Variants in MAP2K5 observed in about 807,000 individuals in gnomAD.
MAP2K5 encodes mitogen-activated protein kinase kinase 5, also known as dual specificity mitogen-activated protein kinase kinase 5.
MAP2K5 carries 49 observed loss-of-function variants against 83.1 expected under a neutral mutation model. The ratio of observed to expected loss-of-function variants is 0.59; its 90% CI spans 0.47 to 0.75. The LOEUF is 0.75. MAP2K5 is among the 30% of genes least tolerant of loss of function. MAP2K5 has a pLI of 0.00. For missense variants in MAP2K5, 457 were observed against 557.5 expected (o/e 0.82, Z 1.82); for synonymous variants, 202 against 191.8 (o/e 1.05, Z -0.44).
Position 67,580,840 on chromosome 15 carries a change from T to TTG in MAP2K5, c.322+17_322+18insTG. The stretch of plus-strand genomic sequence containing the variant: ...TTCCAAGAGGTAATGTTGAGCAAAT[T>TTG]CTAATCAACAATGATTATTTCAGTA... On this transcript the variant is annotated intron_variant, in intron 4 of 21. Coordinates refer to ENST00000178640, the MANE Select transcript of MAP2K5 (RefSeq NM_145160.3). The TTG allele has an allele frequency of 6.6e-7, 1 of 1,525,008 alleles. No individual in the cohort carries two copies. The allele number at this position is 1,525,008 out of a possible 1,614,324, so 94.5% of individuals were successfully genotyped here.
At chr15:67,753,971 T>G (rs914341948) in intron 19 of MAP2K5, among the ~76,000 whole-genome samples, 19 of 152,256 alleles carry the variant, frequency 1.2e-4, no homozygotes, top group Non-Finnish European at 2.5e-4. Context: ...CACATTGGAC[T>G]ATAAATAGGA....
intron 19 of MAP2K5, among the ~76,000 whole-genome samples, chr15:67,763,120 A>G (rs985238427): frequency 1.3e-5 from 2 of 152,186 alleles, no homozygotes; most frequent in African/African-American, 4.8e-5. Context: ...GAGCGGAGTT[A>G]GAGGCTTTCT....
intron 16 of MAP2K5, among the ~76,000 whole-genome samples, chr15:67,727,198 T>C (rs902294729): frequency 1.3e-5 from 2 of 152,148 alleles, no homozygotes; most frequent in African/African-American, 2.4e-5. Context: ...AGACTCTGGC[T>C]CAAAAAACAG....
At chr15:67,795,830 A>G (rs1052823933) in intron 21 of MAP2K5, among the ~76,000 whole-genome samples, 8 of 151,990 alleles carry the variant, frequency 5.3e-5, no homozygotes, top group African/African-American at 1.9e-4. Flanking sequence ...TCCCACTACT[A>G]TTGTGTCTGT....
intron 17 of MAP2K5, among the ~76,000 whole-genome samples, chr15:67,732,488 T>C (rs2089242950): frequency 6.6e-6 from 1 of 152,146 alleles, no homozygotes; most frequent in Non-Finnish European, 1.5e-5. Flanking sequence ...TGTATAAAAA[T>C]ACTGTTCTTC....
In MAP2K5 at chr15:67,610,700, G is replaced by T. The variant is rs560566941; in HGVS notation, c.545+9951G>T. On this transcript the variant is annotated intron_variant, in intron 8 of 21. Coordinates refer to ENST00000178640, the MANE Select transcript of MAP2K5 (RefSeq NM_145160.3). The stretch of plus-strand genomic sequence containing the variant: ...TCTTACTAGAGTGAAATATGTTTAG[G>T]TTCTGATTTGTACACTAACGTTGAA... 4.8e-3 allele frequency among the ~76,000 whole-genome samples: 731 copies of T among 152,192 alleles called. 13 individuals are homozygous for T. Among genetic ancestry groups the T allele is most frequent in the South Asian group, 0.033 (157 of 4,826 alleles).
chr15:67,655,960 CCTCCCTTGATTCTTTCTTCTGCTGT>C (rs2087064020), intron 11 of MAP2K5, among the ~76,000 whole-genome samples: 1 of 152,096 alleles, frequency 6.6e-6, no homozygotes, highest in African/African-American at 2.4e-5. Flanking sequence ...CCTATCTTTA[CCTCCCTTGATTCTTTCTTCTGCTGT>C]CTCAAATATG....
At chr15:67,743,209 G>T (rs918680076) in intron 17 of MAP2K5, among the ~76,000 whole-genome samples, 2 of 152,166 alleles carry the variant, frequency 1.3e-5, no homozygotes, top group East Asian at 1.9e-4. Flanking sequence ...TGAGATTTGC[G>T]CCAGAGAGAA....
chr15:67,614,072 G>A (rs2085999558), intron 8 of MAP2K5, among the ~76,000 whole-genome samples: 1 of 152,122 alleles, frequency 6.6e-6, no homozygotes, highest in Admixed American at 6.6e-5. Context: ...GGATCTAGAA[G>A]CAACCAGTTT....
In MAP2K5 at chr15:67,734,683, T is replaced by A. The variant is rs11633948; in HGVS notation, c.1074+6738T>A. On this transcript the variant is annotated intron_variant, in intron 17 of 21. Transcript: ENST00000178640. ...TATCTTATTTATGTTTACTGATCAC[T>A]CCTGGAATTGCAAAATACCTAAAAA... Among the ~76,000 whole-genome samples the A allele has an allele frequency of 3.2e-4, 49 of 152,142 alleles. No homozygotes were observed. The East Asian group carries it at 6.0e-3, about 19-fold the overall frequency.
chr15:67,622,617 C>T (rs993035168), intron 8 of MAP2K5, among the ~76,000 whole-genome samples: 2 of 151,564 alleles, frequency 1.3e-5, no homozygotes, highest in African/African-American at 4.9e-5. Flanking sequence ...GTGAGGAGCA[C>T]CTACCATGGG....
chr15:67,585,682 G>A (rs1356886722), intron 4 of MAP2K5: 1 of 527,162 alleles, frequency 1.9e-6, no homozygotes, highest in Non-Finnish European at 3.4e-6. Context: ...ATGAGGTGGT[G>A]TCAGAAAGCT....
chr15:67,660,120 T>C (rs7172511), intron 12 of MAP2K5, among the ~76,000 whole-genome samples: 150,866 of 152,042 alleles, frequency 0.99, 74,867 homozygotes, highest in Middle Eastern at 1. Flanking sequence ...TGTCCAATTT[T>C]TCCAGCTTTT....
intron 13 of MAP2K5, among the ~76,000 whole-genome samples, chr15:67,667,427 A>G (rs1004121382): frequency 1.3e-5 from 2 of 152,148 alleles, no homozygotes; most frequent in African/African-American, 4.8e-5. Context: ...ATGAATGATG[A>G]TGGGAATTCT....
chr15:67,774,307 T>C lies in MAP2K5; in HGVS notation c.1242+1555T>C, dbSNP rs1395118086. Among the ~76,000 whole-genome samples, 1 of 152,092 alleles carries C rather than the reference T, an allele frequency of 6.6e-6. No individual in the cohort carries two copies. Among genetic ancestry groups the C allele is most frequent in the African/African-American group, 2.4e-5 (1 of 41,410 alleles). The stretch of plus-strand genomic sequence containing the variant: ...ATATCAATAAATCAATAAAATACAA[T>C]GAAAAATGTTGTCACAGGAAGCACC... On this transcript the variant is annotated intron_variant, in intron 21 of 21. Transcript: ENST00000178640. The surrounding 1 kb of genome is among the most constrained non-coding windows in gnomAD (Gnocchi z 4.9).
chr15:67,787,130 AG>A (rs1454661960), intron 21 of MAP2K5, among the ~76,000 whole-genome samples: 3 of 152,262 alleles, frequency 2.0e-5, no homozygotes, highest in Non-Finnish European at 2.9e-5. Flanking sequence ...AATGATAGAT[AG>A]GCAGGCAGGG....
In MAP2K5 at chr15:67,665,369, A is replaced by C. The variant is rs575555793; in HGVS notation, c.847+724A>C. On this transcript the variant is annotated intron_variant, in intron 13 of 21. Transcript: ENST00000178640. The surrounding 1 kb of genome is among the most constrained non-coding windows in gnomAD (Gnocchi z 4.2). ...AATTATTAAGTGAGAAAGAGACTAT[A>C]ACAAAGCAACTTCAAGGCCTAGTGT... 1.1e-4 allele frequency among the ~76,000 whole-genome samples: 16 copies of C among 152,200 alleles called. No homozygotes were observed. Among genetic ancestry groups the C allele is most frequent in the Non-Finnish European group, 1.9e-4 (13 of 68,036 alleles).
intron 7 of MAP2K5, among the ~76,000 whole-genome samples, chr15:67,596,407 C>T (rs1296956225): frequency 1.3e-5 from 2 of 151,884 alleles, no homozygotes; most frequent in Non-Finnish European, 2.9e-5. Context: ...GAGCAAGACT[C>T]TGTCTCAAAA....
At chr15:67,656,555 C>T (rs1222976662) in intron 11 of MAP2K5, among the ~76,000 whole-genome samples, 1 of 152,076 alleles carries the variant, frequency 6.6e-6, no homozygotes, top group Non-Finnish European at 1.5e-5. Flanking sequence ...TCTCAAACTC[C>T]TGACCTCAAG....
Sources: gnomAD v4.1 joint callset for allele counts (sites outside exome capture counted in the v4.1 genomes callset) on GRCh38, gnomAD v4.1.1 for gene constraint, Gnocchi (gnomAD v3.1) non-coding constraint, MANE v1.5 for transcripts, NCBI Gene and HGNC (gene_info 2026-07-23, HGNC 2026-07-21) for gene names.